MIPEP: variants seen among roughly 807,000 people sequenced by gnomAD.
MIPEP encodes mitochondrial intermediate peptidase.
MIPEP carries 79 observed loss-of-function variants against 90.3 expected under a neutral mutation model. The ratio of observed to expected loss-of-function variants is 0.87; its 90% confidence interval spans 0.73 to 1.05. MIPEP has a LOEUF of 1.05. MIPEP is among the 50% of genes least tolerant of loss of function. The pLI is 0.00. For missense variants in MIPEP, 940 were observed against 905.6 expected (o/e 1.04, Z -0.49); for synonymous variants, 334 against 315.8 (o/e 1.06, Z -0.61).
At chr13:23,849,274 G>A (rs1343672289) in intron 10 of MIPEP, among the ~76,000 whole-genome samples, 1 of 152,234 alleles carries the variant, frequency 6.6e-6, no homozygotes, top group African/African-American at 2.4e-5. Flanking sequence ...ACCATGGGCA[G>A]CATATAGGAC....
intron 14 of MIPEP, among the ~76,000 whole-genome samples, chr13:23,821,228 T>C (rs1245117324): frequency 6.6e-6 from 1 of 152,212 alleles, no homozygotes; most frequent in African/African-American, 2.4e-5. Flanking sequence ...AGAAACAGTT[T>C]TCTATAAAAT....
At chr13:23,758,096 G>A (rs548073157) in intron 17 of MIPEP, among the ~76,000 whole-genome samples, 9 of 152,316 alleles carry the variant, frequency 5.9e-5, no homozygotes, top group African/African-American at 1.4e-4. Flanking sequence ...AGTGCTAAGC[G>A]AAGCAGGAAG....
At chr13:23,870,319 T>TAAAA in intron 5 of MIPEP, 124 bp from the exon 6 acceptor site, 1 of 460,706 alleles carries the variant, frequency 2.2e-6, no homozygotes, top group Non-Finnish European at 3.6e-6. Context: ...TAATAAAATA[T>TAAAA]TAGTTTAGTA....
At position 23,805,977 on chromosome 13, in the gene MIPEP, G is replaced by A; in HGVS notation, c.1821C>T (p.Phe607=). 2 of 1,614,040 alleles carry A rather than the reference G, an allele frequency of 1.2e-6. No homozygotes were observed. The highest frequency in any genetic ancestry group is 1.7e-6 in the Non-Finnish European group (2 of 1,179,942). Reference sequence around the variant, plus strand: ...TATTTGGAACATATGGTAGGCCATAGAATTTCTCTTGTGTTTCCTTGAGAA... The same window carrying A: ...TATTTGGAACATATGGTAGGCCATAAAATTTCTCTTGTGTTTCCTTGAGAA... The part of the protein sequence containing the change: ...TDILKETQEK[F]YGLPYVPNTA... The change falls in exon 16 of 19, where the codon TTC becomes TTT. Residue 607 remains phenylalanine (F), a synonymous_variant. Coordinates refer to ENST00000382172, the MANE Select transcript of MIPEP (RefSeq NM_005932.4).
chr13:23,807,254 T>C (rs1460091919), intron 15 of MIPEP, among the ~76,000 whole-genome samples: 2 of 152,254 alleles, frequency 1.3e-5, no homozygotes, highest in East Asian at 3.8e-4. Flanking sequence ...ATTTTTTCAC[T>C]GCAACATCTG....
At chr13:23,767,025 A>C (rs566107864) in intron 16 of MIPEP, among the ~76,000 whole-genome samples, 14 of 152,276 alleles carry the variant, frequency 9.2e-5, no homozygotes, top group African/African-American at 3.4e-4. Context: ...CTGGGGGAGG[A>C]CCCTGGAACC....
intron 14 of MIPEP, among the ~76,000 whole-genome samples, chr13:23,814,325 C>T (rs1051291663): frequency 3.3e-5 from 5 of 152,140 alleles, no homozygotes; most frequent in Admixed American, 1.3e-4. Context: ...GGCACAATCT[C>T]GGCCCACTGC....
chr13:23,764,729 T>TA (rs968436845), intron 16 of MIPEP, among the ~76,000 whole-genome samples: 3 of 152,052 alleles, frequency 2.0e-5, no homozygotes, highest in Admixed American at 6.6e-5. Context: ...GGCTAATTTT[T>TA]AAAAAAAATT....
At position 23,839,864 on chromosome 13, in the gene MIPEP, C is replaced by T. The variant is rs148430875; in HGVS notation, c.1261-138G>A. 4.9e-3 allele frequency: 2,741 copies of T among 558,552 alleles called. 16 individuals carry two copies. The highest frequency in any genetic ancestry group is 5.5e-3 in the Non-Finnish European group (1,775 of 321,726). 34.6% of individuals were successfully genotyped at this position (558,552 alleles called of 1,614,324 possible). On this transcript the variant is annotated intron_variant, in intron 11 of 18. Transcript: ENST00000382172. The stretch of plus-strand genomic sequence containing the variant: ...TTACATTCTACACCCCACATTATCT[C>T]GAGATAGATTCTCTTTTCCCCGCAT...
chr13:23,795,365 T>C lies in MIPEP; in HGVS notation c.1848+10585A>G, dbSNP rs570376302. 1.2e-4 allele frequency among the ~76,000 whole-genome samples: 19 copies of C among 152,360 alleles called. No individual in the cohort carries two copies. In the East Asian group the frequency reaches 3.7e-3, roughly 29 times the overall value. On this transcript the variant is annotated intron_variant, in intron 16 of 18. Coordinates refer to ENST00000382172, the MANE Select transcript of MIPEP (RefSeq NM_005932.4). ...TTATACATTTAAAAACAGACCCTTA[T>C]GCCATTCTTTCAACCAACATCTGAA...
chr13:23,754,503 T>C (rs933775001), intron 18 of MIPEP, among the ~76,000 whole-genome samples: 4 of 152,266 alleles, frequency 2.6e-5, no homozygotes, highest in Non-Finnish European at 4.4e-5. Context: ...TTCTCTCATA[T>C]GTGAATTTTA....
At chr13:23,766,592 C>T (rs953507147) in intron 16 of MIPEP, among the ~76,000 whole-genome samples, 16 of 152,242 alleles carry the variant, frequency 1.1e-4, no homozygotes, top group East Asian at 1.9e-4. Flanking sequence ...CTCTCACTCA[C>T]TCTCTCAATG....
At chr13:23,844,068 A>G (rs532294099) in intron 10 of MIPEP, among the ~76,000 whole-genome samples, 2 of 152,164 alleles carry the variant, frequency 1.3e-5, no homozygotes, top group Non-Finnish European at 2.9e-5. Context: ...TGAAGTGCCC[A>G]TGAGATACCA....
At chr13:23,734,797 G>A (rs542065171) in intron 18 of MIPEP, among the ~76,000 whole-genome samples, 4 of 152,172 alleles carry the variant, frequency 2.6e-5, no homozygotes, top group South Asian at 4.2e-4. Flanking sequence ...CAGTTAGTGC[G>A]GCATCTCCAC....
chr13:23,807,193 C>T lies in MIPEP; in HGVS notation c.1729-1124G>A, dbSNP rs548358166. ...GTTTGGACATGAAATCTGCTGTTTA[C>T]AAAGTACTGAAAACTAAATTTTGCA... On this transcript the variant is annotated intron_variant, in intron 15 of 18. Coordinates refer to ENST00000382172, the MANE Select transcript of MIPEP (RefSeq NM_005932.4). Among the ~76,000 whole-genome samples, 432 of 152,294 alleles carry T rather than the reference C, an allele frequency of 2.8e-3. 2 individuals carry two copies. The highest frequency in any genetic ancestry group is 0.017 in the Middle Eastern group (5 of 294).
At chr13:23,849,629 A>G (rs1226475984) in intron 10 of MIPEP, among the ~76,000 whole-genome samples, 1 of 152,234 alleles carries the variant, frequency 6.6e-6, no homozygotes, top group Non-Finnish European at 1.5e-5. Context: ...ACATGATACA[A>G]TGGTATAATT....
chr13:23,780,655 C>T (rs1051972025), intron 16 of MIPEP, among the ~76,000 whole-genome samples: 6 of 152,110 alleles, frequency 3.9e-5, no homozygotes, highest in African/African-American at 9.7e-5. Context: ...CAAACTTCTC[C>T]GAGCTAAAGG....
rs370895487 is a variant in MIPEP at position 23,886,460 on chromosome 13, A to G, written c.236T>C (p.Ile79Thr). ...PELSAPEGFHIAQEKALRKTE... is the reference protein window; with the variant it reads ...PELSAPEGFHTAQEKALRKTE... ...CTTTCTCAAGGCTTTTTCTTGTGCA[A>G]TATGAAATCCTTCTGGGGCACTCAG... The change falls in exon 2 of 19, where the codon ATT becomes ACT. Residue 79 changes from isoleucine to threonine, a missense_variant. Ile to Thr is a moderately conservative substitution (Grantham distance 89). Coordinates refer to ENST00000382172, the MANE Select transcript of MIPEP (RefSeq NM_005932.4). 1.2e-6 allele frequency: 2 copies of G among 1,603,860 alleles called. No homozygotes were observed. Among genetic ancestry groups the G allele is most frequent in the Non-Finnish European group, 1.7e-6 (2 of 1,174,660 alleles).
chr13:23,853,877 T>C (rs530929734), intron 10 of MIPEP, among the ~76,000 whole-genome samples: 1 of 151,908 alleles, frequency 6.6e-6, no homozygotes, highest in East Asian at 1.9e-4. Flanking sequence ...ACGATGCATT[T>C]CTCAGAATGT....
Sources: allele counts gnomAD v4.1 joint callset (sites outside exome capture counted in the v4.1 genomes callset), GRCh38; gene constraint gnomAD v4.1.1; transcripts MANE v1.5; gene names NCBI Gene and HGNC (gene_info 2026-07-23, HGNC 2026-07-21).